Variants in OR3A2 observed in about 807,000 individuals in gnomAD.
OR3A2 encodes olfactory receptor 3A2.
For synonymous variants in OR3A2, 126 were observed against 159.3 expected (o/e 0.79, Z 1.57); for missense variants, 318 against 392.8 (o/e 0.81, Z 1.61).
chr17:3,349,529 C>A (rs1202773661), intron 2 of OR3A2, among the ~76,000 whole-genome samples: 6 of 152,106 alleles, frequency 3.9e-5, no homozygotes, highest in East Asian at 1.9e-4. Flanking sequence ...CAAATTCATA[C>A]AGCAAGTCCT....
Position 3,321,962 on chromosome 17 carries a change from C to T in OR3A2, c.-85+14071G>A, listed in dbSNP as rs542447581. 8.5e-5 allele frequency among the ~76,000 whole-genome samples: 13 copies of T among 152,228 alleles called. No individual in the cohort carries two copies. In the East Asian group the frequency reaches 1.5e-3, roughly 18 times the overall value. On this transcript the variant is annotated intron_variant, in intron 3 of 4. Transcript: ENST00000573491. ...ATAGTTTCAGAAGGAATGGTACCAG[C>T]TCCTCCTTGTACCTCTGGTAGAATT... is the stretch of plus-strand genomic sequence containing the variant.
At chr17:3,276,530 T>C (rs2048736295), downstream of OR3A2, among the ~76,000 whole-genome samples, 1 of 152,222 alleles carries the variant, frequency 6.6e-6, no homozygotes, top group Non-Finnish European at 1.5e-5. Flanking sequence ...ACATTCTGAA[T>C]AATTTTTAAA....
chr17:3,372,883 G>GAA (rs1435161586), intron 2 of OR3A2, among the ~76,000 whole-genome samples: 1 of 137,014 alleles, frequency 7.3e-6, no homozygotes, highest in Non-Finnish European at 1.6e-5. Context: ...GAGAGGGAGA[G>GAA]GGAGAGGGAG....
chr17:3,367,290 C>T (rs376193263), intron 2 of OR3A2, among the ~76,000 whole-genome samples: 6 of 152,146 alleles, frequency 3.9e-5, no homozygotes, highest in African/African-American at 7.2e-5. Flanking sequence ...TAGTGATTTG[C>T]GACATTTTGG....
At chr17:3,347,432 C>A (rs2049376030) in intron 2 of OR3A2, among the ~76,000 whole-genome samples, 1 of 152,052 alleles carries the variant, frequency 6.6e-6, no homozygotes, top group South Asian at 2.1e-4. Flanking sequence ...GTGTGATGTT[C>A]CCCTTCCTGT....
At chr17:3,338,130 C>A (rs1042062404) in intron 2 of OR3A2, among the ~76,000 whole-genome samples, 5 of 151,992 alleles carry the variant, frequency 3.3e-5, no homozygotes, top group African/African-American at 1.2e-4. Flanking sequence ...TAATTTTTTT[C>A]TTGTAACTTT....
chr17:3,324,398 G>C (rs1052574296), intron 3 of OR3A2, among the ~76,000 whole-genome samples: 4 of 152,048 alleles, frequency 2.6e-5, no homozygotes, highest in Non-Finnish European at 2.9e-5. Flanking sequence ...TCCATTGCTG[G>C]TGAGGAACTG....
At chr17:3,349,640 A>C (rs2049401897) in intron 2 of OR3A2, among the ~76,000 whole-genome samples, 1 of 152,028 alleles carries the variant, frequency 6.6e-6, no homozygotes, top group Admixed American at 6.6e-5. Flanking sequence ...GAAAGTCAAC[A>C]AGGATACCCA....
chr17:3,326,067 TG>T (rs2049169329), intron 3 of OR3A2, among the ~76,000 whole-genome samples: 3 of 152,118 alleles, frequency 2.0e-5, no homozygotes. Context: ...CGCATTAGTT[TG>T]CTAAGGATAA....
At chr17:3,361,723 G>T (rs1261547723) in intron 2 of OR3A2, among the ~76,000 whole-genome samples, 2 of 151,626 alleles carry the variant, frequency 1.3e-5, no homozygotes, top group Non-Finnish European at 2.9e-5. Context: ...TACATTTATT[G>T]ATTTGTGTAT....
intron 2 of OR3A2, among the ~76,000 whole-genome samples, 155 bp from the exon 2 acceptor site, chr17:3,336,281 A>T (rs1008532689): frequency 6.6e-6 from 1 of 152,226 alleles, no homozygotes; most frequent in Non-Finnish European, 1.5e-5. Context: ...CCTATTGTCT[A>T]AATTTTAAAC....
At chr17:3,332,295 C>T (rs1278791514) in intron 3 of OR3A2, among the ~76,000 whole-genome samples, 2 of 152,056 alleles carry the variant, frequency 1.3e-5, no homozygotes, top group Non-Finnish European at 2.9e-5. Context: ...CAATGGCGGG[C>T]GCCCCTCCCC....
In OR3A2 at chr17:3,323,044, T is replaced by C. The variant is rs551990476; in HGVS notation, c.-85+12989A>G. Among the ~76,000 whole-genome samples the C allele has an allele frequency of 1.8e-3, 280 of 152,076 alleles. 1 individual carries two copies. Among genetic ancestry groups the C allele is most frequent in the African/African-American group, 5.7e-3 (237 of 41,520 alleles). ...GTCACTAAGGACTTGCTTTATGAAT[T>C]TGGGTGCTCCTGTATTGGGTGCATA... On this transcript the variant is annotated intron_variant, in intron 3 of 4. Coordinates refer to the OR3A2 transcript ENST00000573491.
chr17:3,277,935 CAGA>C (rs2150614535), exon 2 of OR3A2: 1 of 1,548,700 alleles, frequency 6.5e-7, no homozygotes, highest in African/African-American at 1.4e-5. Context: ...TTCCTCAGTC[CAGA>C]AAAGGCAGGA....
At chr17:3,381,023 A>G (rs549981736) in intron 2 of OR3A2, among the ~76,000 whole-genome samples, 6 of 152,058 alleles carry the variant, frequency 3.9e-5, no homozygotes, top group African/African-American at 1.2e-4. Context: ...TTGCATGTGT[A>G]TGTGGCATAT....
At chr17:3,344,413 G>A (rs1417122545) in intron 2 of OR3A2, among the ~76,000 whole-genome samples, 1 of 152,066 alleles carries the variant, frequency 6.6e-6, no homozygotes, top group East Asian at 1.9e-4. Context: ...TAAGACTCCA[G>A]GCCACTACTG....
intron 2 of OR3A2, among the ~76,000 whole-genome samples, chr17:3,348,826 A>T (rs569697814): frequency 1.2e-4 from 19 of 152,204 alleles, no homozygotes; most frequent in Non-Finnish European, 2.6e-4. Flanking sequence ...GATTAACAGC[A>T]GATCTCTCGG....
chr17:3,333,624 C>A (rs2049256460), intron 3 of OR3A2, among the ~76,000 whole-genome samples: 1 of 152,102 alleles, frequency 6.6e-6, no homozygotes, highest in Admixed American at 6.5e-5. Flanking sequence ...CTCTTTATTT[C>A]TCAGACTGGC....
rs149184914 is a variant in OR3A2, at chr17:3,377,090, T to C, written c.-179+6714A>G. On this transcript the variant is annotated intron_variant, in intron 2 of 4. Coordinates refer to the OR3A2 transcript ENST00000573491. ...CAGTTTTTCAGCTGCCTTGCAGAGTTTGCAGCGGCAAGCTGCTTCTTTCAA... is the reference window on the plus strand; with the variant it reads ...CAGTTTTTCAGCTGCCTTGCAGAGTCTGCAGCGGCAAGCTGCTTCTTTCAA... Among the ~76,000 whole-genome samples, 1,006 of 152,316 alleles carry C rather than the reference T, an allele frequency of 6.6e-3. 7 individuals are homozygous for C. The highest frequency in any genetic ancestry group is 0.027 in the Middle Eastern group (8 of 294).
Sources: gnomAD v4.1 joint callset for allele counts (sites outside exome capture counted in the v4.1 genomes callset) on GRCh38, gnomAD v4.1.1 for gene constraint, MANE v1.5 for transcripts, NCBI Gene and HGNC (gene_info 2026-07-23, HGNC 2026-07-21) for gene names.